Variants in CUL3 observed in about 807,000 individuals in gnomAD.
CUL3 encodes cullin-3.
Under a neutral mutation model 89.1 loss-of-function variants are expected in CUL3, and 19 were observed. The ratio of observed to expected loss-of-function variants is 0.21; its 90% CI spans 0.15 to 0.31. The LOEUF (loss-of-function observed/expected upper bound fraction) is 0.31, where lower values mean the gene tolerates loss of function less well. Ranked by LOEUF, CUL3 falls within the 10% of genes least tolerant of loss-of-function variation. The pLI is 1.00. For missense variants in CUL3, 469 were observed against 942.3 expected, an observed-to-expected ratio of 0.50 and a Z score of 6.58; for synonymous variants, 351 against 308.4, an observed-to-expected ratio of 1.14 and a Z score of -1.45.
At chr2:224,508,125 T>G (rs201842384) in intron 6 of CUL3, among the ~76,000 whole-genome samples, 1 of 135,260 alleles carries the variant, frequency 7.4e-6, no homozygotes, top group African/African-American at 2.8e-5. Context: ...TTTTTTTTTT[T>G]AACAAAACTG....
At chr2:224,499,163 A>G (rs1412685148) in intron 11 of CUL3, among the ~76,000 whole-genome samples, 2 of 152,236 alleles carry the variant, frequency 1.3e-5, no homozygotes, top group Non-Finnish European at 2.9e-5. Flanking sequence ...TACAAATCAC[A>G]AACTCCACAG....
At chr2:224,551,875 T>G (rs1694528214) in intron 2 of CUL3, among the ~76,000 whole-genome samples, 2 of 152,224 alleles carry the variant, frequency 1.3e-5, no homozygotes, top group South Asian at 4.1e-4. Flanking sequence ...TGAGCGCTTA[T>G]TCTTCTAATC....
chr2:224,481,769 T>G, intron 14 of CUL3, 123 bp downstream of exon 14: 1 of 589,642 alleles, frequency 1.7e-6, no homozygotes, highest in Non-Finnish European at 2.6e-6. Flanking sequence ...CTTTCTTTCT[T>G]AAGCCTAAGT....
chr2:224,555,960 C>G (rs1392410882), intron 2 of CUL3, among the ~76,000 whole-genome samples: 6 of 152,162 alleles, frequency 3.9e-5, no homozygotes, highest in Non-Finnish European at 7.4e-5. Flanking sequence ...AGGATAGTAT[C>G]TTATCTCTTT....
chr2:224,497,291 T>G (rs183145934), intron 12 of CUL3, among the ~76,000 whole-genome samples: 3 of 152,260 alleles, frequency 2.0e-5, no homozygotes, highest in African/African-American at 7.2e-5. Flanking sequence ...TGAAGGCAAA[T>G]CACTGGTCTA....
At chr2:224,478,965 C>T (rs1176825916) in intron 14 of CUL3, 1 of 152,244 alleles carries the variant, frequency 6.6e-6, no homozygotes, top group Non-Finnish European at 1.5e-5. Context: ...ACAACCTCAT[C>T]ACAAATTCAT....
chr2:224,478,326 T>C lies in CUL3; in HGVS notation c.2049A>G (p.Glu683=), dbSNP rs137898558. 17 of 1,611,136 alleles carry C rather than the reference T, an allele frequency of 1.1e-5. No homozygotes were observed. In the African/African-American group the frequency reaches 1.7e-4, roughly 16 times the overall value. Residue 683 remains glutamate, a synonymous_variant, in exon 15 of 16, where the codon GAA becomes GAG. Coordinates refer to ENST00000264414, the MANE Select transcript of CUL3 (RefSeq NM_003590.5). ...KIQTVAAKQG[E]SDPERKETRQ... ...TTGTTTCTTTCCTCTCTGGGTCGGA[T>C]TCACCTTGTTTGGCAGCAACTAAAA...
chr2:224,513,063 G>A (rs777297769), intron 5 of CUL3, among the ~76,000 whole-genome samples: 2 of 152,124 alleles, frequency 1.3e-5, no homozygotes, highest in East Asian at 3.8e-4. Flanking sequence ...TTTATCTTCC[G>A]TGTAATGGTG....
In CUL3 at chr2:224,549,536, T is replaced by C. The variant is rs538449147; in HGVS notation, c.264+8123A>G. 2.0e-5 allele frequency among the ~76,000 whole-genome samples: 3 copies of C among 152,304 alleles called. No homozygotes were observed. In the South Asian group the frequency reaches 6.2e-4, roughly 32 times the overall value. ...TAAATCCCAGAAAGGTTTAGTAATT[T>C]GTTCAAGATTATTAGTGAGAGAATT... On this transcript the variant is annotated intron_variant, in intron 2 of 15. Transcript: ENST00000264414.
intron 2 of CUL3, among the ~76,000 whole-genome samples, chr2:224,541,873 A>C (rs1215976453): frequency 6.6e-6 from 1 of 152,180 alleles, no homozygotes; most frequent in Non-Finnish European, 1.5e-5. Context: ...TTAAGATAGC[A>C]GATCAGTGGT....
chr2:224,537,214 A>G (rs946394930), intron 2 of CUL3, among the ~76,000 whole-genome samples: 1 of 152,212 alleles, frequency 6.6e-6, no homozygotes, highest in East Asian at 1.9e-4. Flanking sequence ...TAAAAGTGCC[A>G]AAGAAAATAC....
intron 3 of CUL3, among the ~76,000 whole-genome samples, chr2:224,532,329 T>C (rs566968963): frequency 9.9e-5 from 15 of 151,958 alleles, no homozygotes; most frequent in South Asian, 2.1e-4. Context: ...TTAGTAGTCA[T>C]TGAAGGAGGA....
chr2:224,577,513 G>A (rs1695329867), intron 1 of CUL3, among the ~76,000 whole-genome samples: 1 of 151,450 alleles, frequency 6.6e-6, no homozygotes, highest in South Asian at 2.1e-4. Flanking sequence ...AGCTTGCACT[G>A]AGCTGAGATC....
rs142590873 is a variant in CUL3, at chr2:224,480,571, T to A, written c.2029+1321A>T. ...CACACTTAACACGAAAATCTAAAAA[T>A]CTATGAAGACTTTTTTAAACATAAT... On this transcript the variant is annotated intron_variant, in intron 14 of 15. Coordinates refer to ENST00000264414, the MANE Select transcript of CUL3 (RefSeq NM_003590.5). Among the ~76,000 whole-genome samples the A allele has an allele frequency of 3.3e-5, 5 of 152,248 alleles. No individual in the cohort carries two copies. In the East Asian group the frequency reaches 9.7e-4, roughly 29 times the overall value.
intron 10 of CUL3, 87 bp downstream of exon 10, chr2:224,502,878 A>G: frequency 1.1e-6 from 1 of 892,772 alleles, no homozygotes; most frequent in Non-Finnish European, 1.8e-6. Flanking sequence ...TTAAAGAAAC[A>G]ACTGTCATCT....
At chr2:224,496,703 G>C (rs1476640928) in intron 12 of CUL3, among the ~76,000 whole-genome samples, 1 of 152,054 alleles carries the variant, frequency 6.6e-6, no homozygotes, top group Non-Finnish European at 1.5e-5. Context: ...CATAGCATGG[G>C]GGCTGGGGGA....
In CUL3 at chr2:224,500,337, T is replaced by C. The variant is rs781333443; in HGVS notation, c.1610+26A>G. 7 of 1,612,338 alleles carry C rather than the reference T, an allele frequency of 4.3e-6. No homozygotes were observed. In the African/African-American group the frequency reaches 6.7e-5, roughly 15 times the overall value. ...ATTTTGAACACTTACTTGTACACAG[T>C]GATACAAAGTCTGATTTTGATTTAC... On this transcript the variant is annotated intron_variant, in intron 11 of 15. Transcript: ENST00000264414.
intron 13 of CUL3, among the ~76,000 whole-genome samples, chr2:224,487,057 AAGC>A (rs1691753610): frequency 6.6e-6 from 1 of 152,166 alleles, no homozygotes; most frequent in Admixed American, 6.5e-5. Context: ...CTTTACAGAC[AAGC>A]AAATGCTGAG....
rs151231505 is a variant in CUL3 at position 224,494,312 on chromosome 2, A to T, written c.1842+1520T>A. 2.4e-3 allele frequency among the ~76,000 whole-genome samples: 372 copies of T among 152,314 alleles called. 5 individuals carry two copies. In the Middle Eastern group the frequency reaches 0.034, roughly 14 times the overall value. The stretch of plus-strand genomic sequence containing the variant: ...TTTTGAGTCTTTCAAAATATTCATT[A>T]CCTTAAATTTAAACTTAATGTGAAT... On this transcript the variant is annotated intron_variant, in intron 13 of 15. Transcript: ENST00000264414.
Sources: allele counts gnomAD v4.1 joint callset (sites outside exome capture counted in the v4.1 genomes callset), GRCh38; gene constraint gnomAD v4.1.1; transcripts MANE v1.5; gene names NCBI Gene and HGNC (gene_info 2026-07-23, HGNC 2026-07-21).